The following PIEZO1 variants were observed in gnomAD, a reference collection of about 807,000 sequenced individuals.
PIEZO1 encodes piezo-type mechanosensitive ion channel component 1.
In PIEZO1, 296 loss-of-function variants were observed where a neutral mutation model predicts 297.2. The observed-to-expected ratio is 1.00, with a 90% CI of 0.91 to 1.10. The LOEUF is 1.10. Among genes scored for constraint, PIEZO1 ranks in the 50% least tolerant of loss-of-function variants. The pLI, the probability that PIEZO1 is intolerant of heterozygous loss-of-function variation, is 0.00. For missense variants in PIEZO1, 5,018 were observed against 3,455.5 expected (o/e 1.45, Z -11.34); for synonymous variants, 2,427 against 1,507.5 (o/e 1.61, Z -14.13).
intron 1 of PIEZO1, among the ~76,000 whole-genome samples, chr16:88,780,108 G>A (rs1188702295): frequency 6.6e-6 from 1 of 152,170 alleles, no homozygotes; most frequent in Non-Finnish European, 1.5e-5. Context: ...CCACCAGGTC[G>A]GCCACCCCTC....
chr16:88,722,800 C>G, intron 34 of PIEZO1, 37 bp downstream of exon 34: 3 of 1,536,520 alleles, frequency 2.0e-6, no homozygotes, highest in Non-Finnish European at 2.6e-6. Context: ...CGTAGTCAGG[C>G]AGAGCAGGGA....
At chr16:88,772,917 G>A (rs1026341783) in intron 1 of PIEZO1, among the ~76,000 whole-genome samples, 2 of 152,202 alleles carry the variant, frequency 1.3e-5, no homozygotes, top group Non-Finnish European at 2.9e-5. Context: ...GGCCATGGCA[G>A]GGCCAGCCTC....
At chr16:88,775,247 G>A (rs758894703) in intron 1 of PIEZO1, among the ~76,000 whole-genome samples, 25 of 152,212 alleles carry the variant, frequency 1.6e-4, no homozygotes, top group Non-Finnish European at 2.6e-4. Context: ...AGGCAGAGGC[G>A]CCCACACAGG....
At chr16:88,727,731 G>C in intron 22 of PIEZO1, 70 bp from the exon 23 acceptor site, 4 of 688,682 alleles carry the variant, frequency 5.8e-6, no homozygotes, top group East Asian at 3.0e-5. Context: ...GTCCCCACCC[G>C]TTGACCCGAG....
Position 88,723,780 on chromosome 16 carries a change from C to T in PIEZO1, c.4335+91G>A, listed in dbSNP as rs1904302763. The T allele has an allele frequency of 5.6e-6, 4 of 716,486 alleles. No homozygotes were observed. The East Asian group carries it at 8.1e-5, about 15-fold the overall frequency. 44.4% of individuals were successfully genotyped at this position (716,486 alleles called of 1,614,324 possible). A position where few individuals can be genotyped will look rare whatever the true frequency, so the allele number is the denominator to read the frequency against. On this transcript the variant is annotated intron_variant, in intron 31 of 50. Coordinates refer to ENST00000301015, the MANE Select transcript of PIEZO1 (RefSeq NM_001142864.4). Reference sequence around the variant, plus strand: ...AGGTGGAGGAGCTCGGCTCCCAGGCCCTGGGGGCATCTGACACCCTCTATG... The same window carrying T: ...AGGTGGAGGAGCTCGGCTCCCAGGCTCTGGGGGCATCTGACACCCTCTATG...
At chr16:88,767,840 G>A (rs1374897885) in intron 1 of PIEZO1, among the ~76,000 whole-genome samples, 2 of 152,058 alleles carry the variant, frequency 1.3e-5, no homozygotes, top group African/African-American at 2.4e-5. Context: ...GGGATCGAGG[G>A]GACTCAAGCC....
chr16:88,756,901 C>G (rs540403394), intron 1 of PIEZO1, among the ~76,000 whole-genome samples: 1 of 152,006 alleles, frequency 6.6e-6, no homozygotes, highest in Non-Finnish European at 1.5e-5. Flanking sequence ...ATGGTGAAAC[C>G]CTGTCTCTAC....
intron 2 of PIEZO1, among the ~76,000 whole-genome samples, chr16:88,748,978 C>G (rs1158798917): frequency 7.0e-6 from 1 of 142,590 alleles, no homozygotes; most frequent in Non-Finnish European, 1.5e-5. Flanking sequence ...TGGCTCACGT[C>G]TGTAATCCCA....
intron 1 of PIEZO1, among the ~76,000 whole-genome samples, chr16:88,750,587 C>T (rs921001191): frequency 6.6e-6 from 1 of 152,218 alleles, no homozygotes; most frequent in Admixed American, 6.5e-5. Flanking sequence ...CCACACAGCT[C>T]CCACCCGGGG....
intron 1 of PIEZO1, among the ~76,000 whole-genome samples, chr16:88,774,096 G>A (rs1393119319): frequency 2.6e-5 from 4 of 152,328 alleles, no homozygotes; most frequent in East Asian, 3.9e-4. Context: ...AGCAGGAACC[G>A]GTCACCAGGC....
chr16:88,724,045 G>T (rs1017342107), intron 30 of PIEZO1, 74 bp from the exon 31 acceptor site: 4 of 911,592 alleles, frequency 4.4e-6, no homozygotes, highest in Non-Finnish European at 5.2e-6. Flanking sequence ...CGCCTGCATG[G>T]GCCAAGGCCC....
At position 88,741,491 on chromosome 16, in the gene PIEZO1, T is replaced by C. The variant is rs1905653921; in HGVS notation, c.452A>G (p.His151Arg). 4 of 1,535,204 alleles carry C rather than the reference T, an allele frequency of 2.6e-6. No homozygotes were observed. Among genetic ancestry groups the C allele is most frequent in the South Asian group, 1.2e-5 (1 of 84,032 alleles). Reference protein sequence around the residue: ...RLARNTRQSPHPRELDDDERD... With the variant: ...RLARNTRQSPRPRELDDDERD... ...AGCTGCCCTCACCAGCTCCCGTGGA[T>C]GTGGGCTCTGCCGGGTGTTCCTTGC... The change falls in exon 5 of 51, where the codon CAT (histidine) becomes CGT (arginine). Residue 151 changes from histidine (H) to arginine (R), a missense_variant. His to Arg is a conservative substitution (Grantham distance 29). Transcript: ENST00000301015.
rs1257910083 is a variant in PIEZO1, at chr16:88,716,583, A to T, written c.6902T>A (p.Leu2301Gln). The T allele has an allele frequency of 6.5e-7, 1 of 1,546,634 alleles. No individual in the cohort carries two copies. The highest frequency in any genetic ancestry group is 8.7e-7 in the Non-Finnish European group (1 of 1,144,598). ...ELYNGTADIT[L>Q]RFTWNFQRDL... Reference sequence around the variant, plus strand: ...CCTCTGGAAGTTCCAGGTGAAGCGCAGGGTGATGTCGGCCGTGCCGTTGTA... The same window carrying T: ...CCTCTGGAAGTTCCAGGTGAAGCGCTGGGTGATGTCGGCCGTGCCGTTGTA... Residue 2301 changes from leucine to glutamine, a missense_variant, in exon 47 of 51, where the codon CTG (leucine) becomes CAG (glutamine). Physicochemically the swap from Leu to Gln is moderately radical, Grantham distance 113 (BLOSUM62 -2). Coordinates refer to ENST00000301015, the MANE Select transcript of PIEZO1 (RefSeq NM_001142864.4).
chr16:88,782,998 G>A (rs1597493679), intron 1 of PIEZO1, among the ~76,000 whole-genome samples: 3 of 152,324 alleles, frequency 2.0e-5, no homozygotes, highest in Middle Eastern at 3.4e-3. Context: ...TTCAAATTAA[G>A]AGACTTTATT....
At chr16:88,727,707 G>A in intron 22 of PIEZO1, 46 bp from the exon 23 acceptor site, 2 of 983,292 alleles carry the variant, frequency 2.0e-6, no homozygotes, top group South Asian at 4.0e-5. Context: ...CCTGCCTGGG[G>A]CCTGAGACAC....
At chr16:88,783,003 T>G (rs1303348957) in intron 1 of PIEZO1, among the ~76,000 whole-genome samples, 2 of 152,160 alleles carry the variant, frequency 1.3e-5, no homozygotes, top group Non-Finnish European at 2.9e-5. Context: ...ATTAAGAGAC[T>G]TTATTTGGGA....
intron 1 of PIEZO1, among the ~76,000 whole-genome samples, chr16:88,758,216 C>A (rs1220153345): frequency 2.0e-5 from 3 of 152,146 alleles, no homozygotes; most frequent in Non-Finnish European, 4.4e-5. Flanking sequence ...CCTCTCAGCC[C>A]AAGTCCTTGT....
chr16:88,734,848 C>CA, intron 14 of PIEZO1, 27 bp downstream of exon 14: 1 of 1,550,160 alleles, frequency 6.5e-7, no homozygotes. Flanking sequence ...GTCCGTGCCC[C>CA]AGCCCCCATC....
At chr16:88,716,147 G>T in intron 49 of PIEZO1, 28 bp from the exon 50 acceptor site, 1 of 1,529,258 alleles carries the variant, frequency 6.5e-7, no homozygotes, top group Non-Finnish European at 8.8e-7. Flanking sequence ...GATCGTTGAG[G>T]CCGCAGGTCA....
Sources: gnomAD v4.1 joint callset for allele counts (sites outside exome capture counted in the v4.1 genomes callset) on GRCh38, gnomAD v4.1.1 for gene constraint, MANE v1.5 for transcripts, NCBI Gene and HGNC (gene_info 2026-07-23, HGNC 2026-07-21) for gene names.